Variants in PCDH17 observed in about 807,000 individuals in gnomAD.
The protein encoded by PCDH17 is protocadherin 17, also known as protocadherin-17.
PCDH17 carries 21 observed loss-of-function variants against 67.7 expected under a neutral mutation model. The ratio of observed to expected loss-of-function variants is 0.31; its 90% CI spans 0.22 to 0.45. The LOEUF is 0.45. PCDH17 is among the 20% of genes least tolerant of loss of function. The probability of loss-of-function intolerance (pLI) is 1.00; values close to 1 mark genes in which losing one functional copy is unlikely to be tolerated. For missense variants in PCDH17, 1,471 were observed against 1,564.8 expected (o/e 0.94, Z 1.01); for synonymous variants, 701 against 656.7 (o/e 1.07, Z -1.03).
At chr13:57,684,021 G>T (rs1030325669) in intron 3 of PCDH17, among the ~76,000 whole-genome samples, 4 of 151,806 alleles carry the variant, frequency 2.6e-5, no homozygotes, top group African/African-American at 9.7e-5. Context: ...TGGGGCACGA[G>T]GTGAGATACC....
chr13:57,695,516 A>T (rs916874137), intron 3 of PCDH17, among the ~76,000 whole-genome samples: 3 of 151,260 alleles, frequency 2.0e-5, no homozygotes, highest in Non-Finnish European at 3.0e-5. Context: ...GATGGAAAAG[A>T]TTGGTTTCTA....
At chr13:57,696,217 A>G (rs1267720250) in intron 3 of PCDH17, among the ~76,000 whole-genome samples, 7 of 151,514 alleles carry the variant, frequency 4.6e-5, no homozygotes, top group African/African-American at 1.7e-4. Context: ...GACTTTCAAC[A>G]GACAACATTT....
chr13:57,683,460 G>C (rs1447917374), intron 3 of PCDH17, among the ~76,000 whole-genome samples: 2 of 151,850 alleles, frequency 1.3e-5, no homozygotes. Flanking sequence ...TGAAATATGT[G>C]ACTGCAGATG....
At chr13:57,641,575 AAAAAAAAAAAAAATATATATATATATAT>A (rs1954898946) in intron 1 of PCDH17, among the ~76,000 whole-genome samples, 1 of 76,604 alleles carries the variant, frequency 1.3e-5, no homozygotes, top group Non-Finnish European at 2.5e-5. Context: ...AAAAAAAAAA[AAAAAAAAAAAAAATATATATATATATAT>A]ATATATATAT....
At chr13:57,641,334 C>T (rs1954890348) in intron 1 of PCDH17, among the ~76,000 whole-genome samples, 1 of 151,190 alleles carries the variant, frequency 6.6e-6, no homozygotes, top group Admixed American at 6.6e-5. Context: ...ACATCAACAT[C>T]CCTACTGTGA....
In PCDH17 at chr13:57,634,009, G is replaced by T; in HGVS notation, c.1463G>T (p.Gly488Val). The T allele has an allele frequency of 1.9e-6, 3 of 1,613,560 alleles. No individual in the cohort carries two copies. Among genetic ancestry groups the T allele is most frequent in the Non-Finnish European group, 2.5e-6 (3 of 1,180,024 alleles). Residue 488 changes from glycine to valine, a missense_variant, in exon 1 of 4, where the codon GGA (glycine) becomes GTA (valine). This residue lies in a region of PCDH17 where 1,163 missense variants were observed against 1,230.0 expected (regional missense o/e 0.95). Transcript: ENST00000377918. The surrounding 1 kb of genome is among the most constrained non-coding windows in gnomAD (Gnocchi z 7.8). ...CAGGTGCACGAGAACAACATCCCGG[G>T]AGAGTACCTGGGCTCTGTGCTCGCC... ...VLQVHENNIP[G>V]EYLGSVLAQD... is the part of the protein sequence containing the mutation.
chr13:57,684,827 G>A (rs756521401), intron 3 of PCDH17, among the ~76,000 whole-genome samples: 9 of 151,802 alleles, frequency 5.9e-5, no homozygotes, highest in African/African-American at 1.2e-4. Flanking sequence ...TATTACTTAC[G>A]TATCACCAGT....
intron 1 of PCDH17, among the ~76,000 whole-genome samples, chr13:57,663,271 G>T (rs1955207000): frequency 6.6e-6 from 1 of 152,106 alleles, no homozygotes; most frequent in Non-Finnish European, 1.5e-5. Flanking sequence ...TTGCATGAAA[G>T]ATAAGGTTTT....
intron 3 of PCDH17, among the ~76,000 whole-genome samples, chr13:57,671,197 T>G (rs1955316739): frequency 1.3e-5 from 2 of 152,010 alleles, no homozygotes; most frequent in East Asian, 3.9e-4. Flanking sequence ...GGAAGTTGTA[T>G]AGTACCATAA....
intron 3 of PCDH17, among the ~76,000 whole-genome samples, chr13:57,706,998 C>A (rs2138083432): frequency 6.6e-6 from 1 of 151,996 alleles, no homozygotes; most frequent in African/African-American, 2.4e-5. Context: ...ATGTAATTTT[C>A]TCAATTACAA....
At chr13:57,713,330 T>G (rs991811573) in intron 3 of PCDH17, among the ~76,000 whole-genome samples, 1 of 151,776 alleles carries the variant, frequency 6.6e-6, no homozygotes, top group Non-Finnish European at 1.5e-5. Flanking sequence ...GTTTTATTCT[T>G]GGGATGAACC....
intron 3 of PCDH17, among the ~76,000 whole-genome samples, chr13:57,706,634 T>A (rs1307405103): frequency 1.3e-5 from 2 of 152,144 alleles, no homozygotes; most frequent in Non-Finnish European, 2.9e-5. Flanking sequence ...TCTGTCCTTT[T>A]CAGTCCAAGT....
intron 3 of PCDH17, among the ~76,000 whole-genome samples, chr13:57,699,263 G>A (rs1176402816): frequency 6.6e-6 from 1 of 151,814 alleles, no homozygotes; most frequent in East Asian, 1.9e-4. Flanking sequence ...GTTCATGTTT[G>A]TGAAATGATT....
intron 3 of PCDH17, among the ~76,000 whole-genome samples, chr13:57,708,083 G>T (rs543851857): frequency 6.6e-6 from 1 of 152,042 alleles, no homozygotes; most frequent in Non-Finnish European, 1.5e-5. Context: ...CTGATTAAAG[G>T]AGTTGTGTAC....
chr13:57,656,440 T>C (rs2592869), intron 1 of PCDH17, among the ~76,000 whole-genome samples: 36,297 of 152,044 alleles, frequency 0.24, 5,858 homozygotes, highest in African/African-American at 0.47. Flanking sequence ...ATAAGTAATA[T>C]CACCAATTTA....
intron 1 of PCDH17, among the ~76,000 whole-genome samples, chr13:57,659,148 C>T (rs1331499303): frequency 6.6e-6 from 1 of 151,482 alleles, no homozygotes; most frequent in East Asian, 1.9e-4. Flanking sequence ...CACACACTCA[C>T]ATATATAATT....
intron 1 of PCDH17, among the ~76,000 whole-genome samples, chr13:57,665,822 CTT>C (rs1955246064): frequency 1.3e-5 from 2 of 152,042 alleles, no homozygotes; most frequent in African/African-American, 4.8e-5. Context: ...TTTTTTCTCT[CTT>C]ATTTTTGTTT....
At chr13:57,665,294 C>T (rs943740902) in intron 1 of PCDH17, among the ~76,000 whole-genome samples, 3 of 152,014 alleles carry the variant, frequency 2.0e-5, no homozygotes, top group East Asian at 3.8e-4. Flanking sequence ...CTTATCAATA[C>T]TTTAAACTAT....
At chr13:57,714,369 G>A (rs1955801105) in intron 3 of PCDH17, among the ~76,000 whole-genome samples, 1 of 151,646 alleles carries the variant, frequency 6.6e-6, no homozygotes, top group Admixed American at 6.6e-5. Context: ...TTCTTACAAT[G>A]AGTTTGGTTT....
Sources: gnomAD v4.1 joint callset for allele counts (sites outside exome capture counted in the v4.1 genomes callset) on GRCh38, gnomAD v4.1.1 for gene constraint, gnomAD v4.1.1 regional missense constraint, Gnocchi (gnomAD v3.1) non-coding constraint, MANE v1.5 for transcripts, NCBI Gene and HGNC (gene_info 2026-07-23, HGNC 2026-07-21) for gene names.